Variants in BRINP1 observed in about 807,000 individuals in gnomAD.
BRINP1 encodes BMP/retinoic acid-inducible neural-specific protein 1.
BRINP1 carries 17 observed loss-of-function variants against 72.9 expected under a neutral mutation model. That is an observed-to-expected ratio of 0.23 (90% CI 0.16 to 0.35). The LOEUF (loss-of-function observed/expected upper bound fraction) is 0.35, where lower values mean the gene tolerates loss of function less well. BRINP1 is among the 10% of genes least tolerant of loss of function. The probability of loss-of-function intolerance (pLI) is 1.00; values close to 1 mark genes in which losing one functional copy is unlikely to be tolerated. For synonymous variants in BRINP1, 418 were observed against 378.5 expected, an observed-to-expected ratio of 1.10 and a Z score of -1.21; for missense variants, 850 against 1,001.6, an observed-to-expected ratio of 0.85 and a Z score of 2.04.
intron 2 of BRINP1, among the ~76,000 whole-genome samples, chr9:119,289,300 G>T (rs1830799682): frequency 6.6e-6 from 1 of 152,176 alleles, no homozygotes; most frequent in African/African-American, 2.4e-5. Flanking sequence ...GAAAATGACT[G>T]GAATACTAAG....
intron 2 of BRINP1, among the ~76,000 whole-genome samples, chr9:119,276,034 T>C (rs1323000277): frequency 6.6e-6 from 1 of 152,146 alleles, no homozygotes; most frequent in East Asian, 1.9e-4. Flanking sequence ...CTCCTTCATT[T>C]CCTTATCTGT....
At chr9:119,306,619 A>C (rs1831000347) in intron 2 of BRINP1, among the ~76,000 whole-genome samples, 1 of 152,200 alleles carries the variant, frequency 6.6e-6, no homozygotes, top group Admixed American at 6.5e-5. Flanking sequence ...TTAATGACAC[A>C]ATCCATGTAT....
In BRINP1 at chr9:119,249,770, G is replaced by A. The variant is rs536514299; in HGVS notation, c.219-620C>T. The stretch of plus-strand genomic sequence containing the variant: ...TAGCTCAGTGCCTGTTACATGGCAG[G>A]ATTCATGATAATGCCAGACAGAGAA... On this transcript the variant is annotated intron_variant, in intron 2 of 7. Coordinates refer to ENST00000265922, the MANE Select transcript of BRINP1 (RefSeq NM_014618.3). Among the ~76,000 whole-genome samples the A allele has an allele frequency of 2.0e-5, 3 of 146,574 alleles. No individual in the cohort carries two copies. In the Admixed American group the frequency reaches 2.1e-4, roughly 10 times the overall value.
rs1829330152 is a variant in BRINP1 at position 119,167,484 on chromosome 9, A to G, written c.1886T>C (p.Leu629Pro). 2 of 1,614,108 alleles carry G rather than the reference A, an allele frequency of 1.2e-6. No individual in the cohort carries two copies. The highest frequency in any genetic ancestry group is 2.2e-5 in the South Asian group (2 of 91,058). Residue 629 changes from leucine to proline, a missense_variant, in exon 8 of 8, where the codon CTG becomes CCG. Physicochemically the swap from Leu to Pro is moderately conservative, Grantham distance 98. Transcript: ENST00000265922. This position sits in a 1 kb window ranked among gnomAD's most constrained non-coding sequence, Gnocchi z 4.3. The part of the protein sequence containing the change: ...LRSRTRLPTL[L>P]RNETGQGPVD... ...GGGGCCCTGGCCAGTCTCATTTCGC[A>G]GTAGGGTAGGTAGCCGAGTCCGACT...
intron 3 of BRINP1, among the ~76,000 whole-genome samples, chr9:119,245,194 TACACAC>T (rs34730284): frequency 1.6e-5 from 2 of 125,918 alleles, no homozygotes; most frequent in Admixed American, 8.5e-5. Flanking sequence ...CAAGCTCACA[TACACAC>T]ACACACACAC....
intron 7 of BRINP1, among the ~76,000 whole-genome samples, chr9:119,181,001 A>G (rs1829550751): frequency 6.6e-6 from 1 of 152,180 alleles, no homozygotes. Context: ...TTACGAAACA[A>G]TTTTTGCAAT....
At chr9:119,360,437 T>C (rs533105607) in intron 1 of BRINP1, among the ~76,000 whole-genome samples, 1 of 152,178 alleles carries the variant, frequency 6.6e-6, no homozygotes, top group East Asian at 1.9e-4. Context: ...TCCACTACCA[T>C]GTAAAGGGAA....
chr9:119,330,090 T>A (rs142465026), intron 1 of BRINP1, among the ~76,000 whole-genome samples: 258 of 152,308 alleles, frequency 1.7e-3, no homozygotes, highest in African/African-American at 5.7e-3. Context: ...CAGTGAGGGA[T>A]GTGAACATAT....
chr9:119,173,219 A>ATATC (rs1829438138), intron 7 of BRINP1, among the ~76,000 whole-genome samples: 1 of 151,318 alleles, frequency 6.6e-6, no homozygotes, highest in South Asian at 2.1e-4. Flanking sequence ...ACATGACTGT[A>ATATC]TATCTAGAAA....
At chr9:119,328,402 T>C (rs938930522) in intron 1 of BRINP1, among the ~76,000 whole-genome samples, 4 of 152,144 alleles carry the variant, frequency 2.6e-5, no homozygotes, top group Non-Finnish European at 5.9e-5. Context: ...GAAGAGCAAA[T>C]GGCTCTCCTT....
intron 1 of BRINP1, among the ~76,000 whole-genome samples, chr9:119,355,029 T>A (rs1199684796): frequency 1.3e-5 from 2 of 152,254 alleles, no homozygotes; most frequent in Admixed American, 6.5e-5. Flanking sequence ...GAACTAAAGC[T>A]TTCTCCCCTG....
rs1043532186 is a variant in BRINP1 at position 119,176,935 on chromosome 9, C to A, written c.1146-8711G>T. 3.9e-5 allele frequency among the ~76,000 whole-genome samples: 6 copies of A among 152,194 alleles called. No individual in the cohort carries two copies. The South Asian group carries it at 6.2e-4, about 16-fold the overall frequency. On this transcript the variant is annotated intron_variant, in intron 7 of 7. Coordinates refer to ENST00000265922, the MANE Select transcript of BRINP1 (RefSeq NM_014618.3). ...TGAAACCCTCTCCTTTTTAAATCCA[C>A]AGAACCACCCGGACCTGGCGATAAA...
At chr9:119,309,033 GACTA>G (rs1428648291) in intron 2 of BRINP1, among the ~76,000 whole-genome samples, 11 of 151,876 alleles carry the variant, frequency 7.2e-5, no homozygotes, top group Admixed American at 2.6e-4. Flanking sequence ...AAAATCTTTG[GACTA>G]ACTGACTTTG....
Position 119,232,435 on chromosome 9 carries a change from T to C in BRINP1, c.685+6220A>G, listed in dbSNP as rs140061016. Among the ~76,000 whole-genome samples, 622 of 152,316 alleles carry C rather than the reference T, an allele frequency of 4.1e-3. 2 individuals carry two copies. The highest frequency in any genetic ancestry group is 0.014 in the African/African-American group (585 of 41,578). On this transcript the variant is annotated intron_variant, in intron 5 of 7. Transcript: ENST00000265922. ...GTTACTTCTCTGCCTAAATTTTCAATTGCTTCTCATTGCATCTAGAGTAAA... is the reference window on the plus strand; with the variant it reads ...GTTACTTCTCTGCCTAAATTTTCAACTGCTTCTCATTGCATCTAGAGTAAA...
At chr9:119,285,320 G>A (rs564481572) in intron 2 of BRINP1, among the ~76,000 whole-genome samples, 3 of 152,192 alleles carry the variant, frequency 2.0e-5, no homozygotes, top group Admixed American at 1.3e-4. Flanking sequence ...CTGCACATTC[G>A]AACGGGATGG....
Position 119,187,292 on chromosome 9 carries a change from G to A in BRINP1, c.1146-19068C>T, listed in dbSNP as rs527545799. On this transcript the variant is annotated intron_variant, in intron 7 of 7. Transcript: ENST00000265922. ...TGTTACCTATATTATACCCAACTCC[G>A]AAAGGAATTCAATTCAGCTAAGTCT... Among the ~76,000 whole-genome samples, 22 of 151,832 alleles carry A rather than the reference G, an allele frequency of 1.4e-4. No individual in the cohort carries two copies. The South Asian group carries it at 2.5e-3, about 17-fold the overall frequency.
intron 2 of BRINP1, among the ~76,000 whole-genome samples, chr9:119,278,522 C>T (rs569841470): frequency 6.6e-6 from 1 of 152,308 alleles, no homozygotes; most frequent in African/African-American, 2.4e-5. Flanking sequence ...ATAAAGGGGC[C>T]TTAGGAACTA....
intron 7 of BRINP1, among the ~76,000 whole-genome samples, chr9:119,195,046 C>G (rs761847759): frequency 3.3e-5 from 5 of 152,124 alleles, no homozygotes; most frequent in Non-Finnish European, 7.4e-5. Context: ...CTTTCAGGTA[C>G]AAAATTTTAT....
Position 119,168,158 on chromosome 9 carries a change from T to C in BRINP1, c.1212A>G (p.Gly404=). The change falls in exon 8 of 8, where the codon GGA becomes GGG. Residue 404 remains glycine, a synonymous_variant. Coordinates refer to ENST00000265922, the MANE Select transcript of BRINP1 (RefSeq NM_014618.3). ...LLYCNENGFW[G]TFLESQRSCV... is the part of the protein sequence containing the mutation. ...AGCTCCGCTGGCTCTCCAGGAAGGT[T>C]CCCCAAAACCCATTCTCATTACAGT... is the stretch of plus-strand genomic sequence containing the variant. The C allele has an allele frequency of 1.3e-6, 2 of 1,584,804 alleles. No homozygotes were observed.
Sources: allele counts gnomAD v4.1 joint callset (sites outside exome capture counted in the v4.1 genomes callset), GRCh38; gene constraint gnomAD v4.1.1; non-coding constraint Gnocchi (gnomAD v3.1); transcripts MANE v1.5; gene names NCBI Gene and HGNC (gene_info 2026-07-23, HGNC 2026-07-21).